Variants in LHFPL6 observed in about 807,000 individuals in gnomAD.
The protein encoded by LHFPL6 is LHFPL tetraspan subfamily member 6 protein.
In LHFPL6, 9 loss-of-function variants were observed where a neutral mutation model predicts 20.6. The ratio of observed to expected loss-of-function variants is 0.44; its 90% CI spans 0.26 to 0.76. The LOEUF (loss-of-function observed/expected upper bound fraction) is 0.76, where lower values mean the gene tolerates loss of function less well. Among genes scored for constraint, LHFPL6 ranks in the 30% least tolerant of loss-of-function variants. The pLI is 0.20. For missense variants in LHFPL6, 218 were observed against 253.5 expected (o/e 0.86, Z 0.95); for synonymous variants, 105 against 98.7 (o/e 1.06, Z -0.38).
chr13:39,440,821 A>G (rs1489788755), intron 2 of LHFPL6, among the ~76,000 whole-genome samples: 3 of 152,176 alleles, frequency 2.0e-5, no homozygotes, highest in Non-Finnish European at 2.9e-5. Flanking sequence ...AGATGATTGA[A>G]TTACGGGGGC....
At chr13:39,596,694 C>T (rs547347871) in intron 2 of LHFPL6, among the ~76,000 whole-genome samples, 4 of 151,500 alleles carry the variant, frequency 2.6e-5, no homozygotes, top group African/African-American at 9.7e-5. Context: ...CCCCAAGTGA[C>T]CTAAGAAGAA....
At chr13:39,403,217 G>A (rs1025805464) in intron 2 of LHFPL6, among the ~76,000 whole-genome samples, 2 of 152,196 alleles carry the variant, frequency 1.3e-5, no homozygotes, top group African/African-American at 4.8e-5. Context: ...GTCATTCACA[G>A]AGCTAGACAA....
At chr13:39,422,283 A>T (rs529530515) in intron 2 of LHFPL6, among the ~76,000 whole-genome samples, 8 of 152,272 alleles carry the variant, frequency 5.3e-5, no homozygotes, top group Non-Finnish European at 1.0e-4. Context: ...TAAAATAATT[A>T]TGCTGGTGCA....
intron 2 of LHFPL6, among the ~76,000 whole-genome samples, chr13:39,564,212 C>G (rs923133119): frequency 2.4e-4 from 36 of 152,160 alleles, no homozygotes; most frequent in African/African-American, 8.7e-4. Flanking sequence ...TTAGTACACT[C>G]TGAATATAGC....
intron 2 of LHFPL6, among the ~76,000 whole-genome samples, chr13:39,466,029 G>A (rs966132864): frequency 3.9e-5 from 6 of 152,044 alleles, no homozygotes; most frequent in Admixed American, 2.0e-4. Flanking sequence ...GGAGCCCTGC[G>A]CTCTTGGAAA....
At chr13:39,379,084 C>A (rs956933384) in intron 2 of LHFPL6, among the ~76,000 whole-genome samples, 2 of 119,900 alleles carry the variant, frequency 1.7e-5, no homozygotes, top group Non-Finnish European at 3.8e-5. Context: ...TGAGCATCCA[C>A]GCATCTCAGA....
At chr13:39,467,794 C>A (rs12586018) in intron 2 of LHFPL6, among the ~76,000 whole-genome samples, 13,420 of 152,182 alleles carry the variant, frequency 0.088, 1,184 homozygotes, top group East Asian at 0.51. Context: ...GGCTCATTCA[C>A]TCCCCCTAAA....
intron 2 of LHFPL6, among the ~76,000 whole-genome samples, chr13:39,585,604 T>C (rs1352144788): frequency 6.6e-6 from 1 of 152,238 alleles, no homozygotes; most frequent in African/African-American, 2.4e-5. Context: ...AACAGGTTGA[T>C]AAATAACATT....
At chr13:39,417,574 C>A (rs1871379522) in intron 2 of LHFPL6, among the ~76,000 whole-genome samples, 2 of 152,206 alleles carry the variant, frequency 1.3e-5, no homozygotes, top group South Asian at 4.1e-4. Context: ...AAGCAAAATT[C>A]TTCCTTGTTA....
chr13:39,526,862 A>G (rs568233008), intron 2 of LHFPL6, among the ~76,000 whole-genome samples: 2 of 152,374 alleles, frequency 1.3e-5, no homozygotes, highest in East Asian at 3.9e-4. Context: ...ATGCACATCA[A>G]TCTTGAATTC....
At chr13:39,465,729 T>C (rs1322233921) in intron 2 of LHFPL6, among the ~76,000 whole-genome samples, 2 of 151,950 alleles carry the variant, frequency 1.3e-5, no homozygotes, top group Non-Finnish European at 2.9e-5. Flanking sequence ...TTTACAGGGG[T>C]AGAATTTCAG....
At chr13:39,512,568 C>G (rs554138349) in intron 2 of LHFPL6, among the ~76,000 whole-genome samples, 1 of 140,168 alleles carries the variant, frequency 7.1e-6, no homozygotes, top group South Asian at 2.2e-4. Context: ...CGCCACTGCA[C>G]TCCAGCCTGG....
At chr13:39,518,113 C>T (rs898178163) in intron 2 of LHFPL6, among the ~76,000 whole-genome samples, 1 of 152,174 alleles carries the variant, frequency 6.6e-6, no homozygotes, top group Non-Finnish European at 1.5e-5. Flanking sequence ...ATGGCTTCCC[C>T]TGCTTTCAGA....
At chr13:39,369,901 T>A (rs1052914588) in intron 3 of LHFPL6, among the ~76,000 whole-genome samples, 1 of 152,074 alleles carries the variant, frequency 6.6e-6, no homozygotes, top group Admixed American at 6.6e-5. Context: ...TCAAATTGAA[T>A]CTATGATTGT....
chr13:39,533,665 A>G (rs1055383274), intron 2 of LHFPL6, among the ~76,000 whole-genome samples: 1 of 152,212 alleles, frequency 6.6e-6, no homozygotes, highest in African/African-American at 2.4e-5. Context: ...ACTGGAGTCC[A>G]TGCCAAGAAC....
intron 3 of LHFPL6, among the ~76,000 whole-genome samples, chr13:39,358,175 ATGGTAC>A (rs1272044810): frequency 1.3e-5 from 2 of 152,332 alleles, no homozygotes; most frequent in East Asian, 3.9e-4. Flanking sequence ...CCAAAACAGC[ATGGTAC>A]TGGTACAAAA....
chr13:39,452,971 C>T (rs1170365792), intron 2 of LHFPL6, among the ~76,000 whole-genome samples: 1 of 152,140 alleles, frequency 6.6e-6, no homozygotes, highest in Non-Finnish European at 1.5e-5. Context: ...TTACTTTTGC[C>T]AGAGGCAGCC....
At chr13:39,574,615 C>A (rs1480344160) in intron 2 of LHFPL6, among the ~76,000 whole-genome samples, 3 of 151,940 alleles carry the variant, frequency 2.0e-5, no homozygotes, top group Non-Finnish European at 2.9e-5. Flanking sequence ...AAATCTTGTT[C>A]TCCTAGCTGC....
chr13:39,587,665 T>G (rs1002238432), intron 2 of LHFPL6, among the ~76,000 whole-genome samples: 9 of 151,868 alleles, frequency 5.9e-5, no homozygotes, highest in Admixed American at 5.9e-4. Flanking sequence ...ACAGAGAATT[T>G]TGTACAAGAA....
Sources: allele counts gnomAD v4.1 joint callset (sites outside exome capture counted in the v4.1 genomes callset), GRCh38; gene constraint gnomAD v4.1.1; transcripts MANE v1.5; gene names NCBI Gene and HGNC (gene_info 2026-07-23, HGNC 2026-07-21).